Variants in MINDY3 observed in about 807,000 individuals in gnomAD.
MINDY3 encodes the protein ubiquitin carboxyl-terminal hydrolase MINDY-3.
MINDY3 carries 38 observed loss-of-function variants against 69.2 expected under a neutral mutation model. The ratio of observed to expected loss-of-function variants is 0.55; its 90% CI spans 0.42 to 0.72. The LOEUF is 0.72. MINDY3 is among the 30% of genes least tolerant of loss of function. The probability of loss-of-function intolerance (pLI) is 0.00; values close to 1 mark genes in which losing one functional copy is unlikely to be tolerated. For synonymous variants in MINDY3, 192 were observed against 180.1 expected (o/e 1.07, Z -0.53); for missense variants, 522 against 519.0 (o/e 1.01, Z -0.06).
chr10:15,841,484 C>A lies in MINDY3; in HGVS notation c.351G>T (p.Glu117Asp). 1 of 1,611,928 alleles carries A rather than the reference C, an allele frequency of 6.2e-7. No homozygotes were observed. The highest frequency in any genetic ancestry group is 1.1e-5 in the South Asian group (1 of 91,000). Residue 117 changes from glutamate (E) to aspartate (D), a missense_variant, in exon 4 of 15, where the codon GAG becomes GAT. Transcript: ENST00000277632. ...LVSWLRGKTT[E>D]ETASISGSPA... ...GACTCCCAGAAATACTAGCAGTTTC[C>A]TCAGTTGTCTTTCCTCTTAACCATG... is the stretch of plus-strand genomic sequence containing the variant.
chr10:15,816,348 T>C, intron 10 of MINDY3, among the ~76,000 whole-genome samples: 1 of 151,818 alleles, frequency 6.6e-6, no homozygotes, highest in East Asian at 1.9e-4. Context: ...ATTTCAATAT[T>C]GTAATCAGGT....
intron 14 of MINDY3, among the ~76,000 whole-genome samples, chr10:15,780,627 C>G (rs979788557): frequency 6.6e-6 from 1 of 152,166 alleles, no homozygotes; most frequent in African/African-American, 2.4e-5. Flanking sequence ...TTGTCTGTTT[C>G]CTTTCTAACA....
At chr10:15,816,662 G>T (rs1342122103) in intron 10 of MINDY3, among the ~76,000 whole-genome samples, 173 bp downstream of exon 10, 1 of 152,126 alleles carries the variant, frequency 6.6e-6, no homozygotes, top group African/African-American at 2.4e-5. Context: ...AAAGATTCCA[G>T]ATTTAGAGCA....
intron 2 of MINDY3, among the ~76,000 whole-genome samples, chr10:15,844,576 G>A (rs1335063715): frequency 6.6e-6 from 1 of 152,022 alleles, no homozygotes; most frequent in Non-Finnish European, 1.5e-5. Context: ...TTACATTATT[G>A]TGCATTAGGT....
chr10:15,780,994 A>G (rs908362096), intron 14 of MINDY3, among the ~76,000 whole-genome samples: 3 of 152,278 alleles, frequency 2.0e-5, no homozygotes, highest in African/African-American at 7.2e-5. Flanking sequence ...TATTTGACCT[A>G]TCTTGCAGGG....
In MINDY3 at chr10:15,792,694, T is replaced by C. The variant is rs529313568; in HGVS notation, c.956-3375A>G. ...ATGGCTGTCAACATATTTTAGCAAC[T>C]TAACAAAACAAACAGCTTCAGATTT... On this transcript the variant is annotated intron_variant, in intron 11 of 14. Transcript: ENST00000277632. Among the ~76,000 whole-genome samples the C allele has an allele frequency of 1.1e-3, 165 of 151,622 alleles. 1 individual carries two copies. The highest frequency in any genetic ancestry group is 3.8e-3 in the African/African-American group (156 of 41,004).
chr10:15,841,418 T>C lies in MINDY3; in HGVS notation c.409+8A>G, dbSNP rs559166566. 84 of 1,593,516 alleles carry C rather than the reference T, an allele frequency of 5.3e-5. No individual in the cohort carries two copies. In the South Asian group the frequency reaches 7.6e-4, roughly 14 times the overall value. On this transcript the variant is annotated splice_region_variant and intron_variant, in intron 4 of 14. Transcript: ENST00000277632. ...AAAAAAACTTCAGGAAATAAAAATA[T>C]ATCTTACAAGAATGTTCCACTTGGC... is the stretch of plus-strand genomic sequence containing the variant.
intron 10 of MINDY3, 23 bp from the exon 11 acceptor site, chr10:15,796,195 G>A: frequency 6.3e-7 from 1 of 1,585,460 alleles, no homozygotes; most frequent in Non-Finnish European, 8.7e-7. Flanking sequence ...GAAGCATGTT[G>A]TCAACCAGCT....
intron 1 of MINDY3, among the ~76,000 whole-genome samples, chr10:15,851,337 A>G (rs1238928753): frequency 3.9e-5 from 6 of 152,124 alleles, no homozygotes; most frequent in Non-Finnish European, 8.8e-5. Flanking sequence ...AGACATAGAC[A>G]GAGTCTAAGT....
In MINDY3 at chr10:15,802,163, G is replaced by A. The variant is rs1027000981; in HGVS notation, c.883-5991C>T. ...AGTTAAATTTTTGAGGGAGTCAAAAGTTGTATGTGGATTTTTGACTATGCA... is the reference window on the plus strand; with the variant it reads ...AGTTAAATTTTTGAGGGAGTCAAAAATTGTATGTGGATTTTTGACTATGCA... On this transcript the variant is annotated intron_variant, in intron 10 of 14. Coordinates refer to ENST00000277632, the MANE Select transcript of MINDY3 (RefSeq NM_024948.4). 1.2e-4 allele frequency among the ~76,000 whole-genome samples: 18 copies of A among 151,970 alleles called. 1 individual carries two copies. Among genetic ancestry groups the A allele is most frequent in the Non-Finnish European group, 5.9e-5 (4 of 67,996 alleles).
rs1835016347 is a variant in MINDY3, at chr10:15,860,403, G to A, written c.-104C>T. Reference sequence around the variant, plus strand: ...CAGCTGCGGGACGGCGGCGGCAAACGAATTGGAAGGTGAGGCAGGAAAGAA... The same window carrying A: ...CAGCTGCGGGACGGCGGCGGCAAACAAATTGGAAGGTGAGGCAGGAAAGAA... On this transcript the variant is annotated 5_prime_UTR_variant, in exon 1 of 15. Coordinates refer to ENST00000277632, the MANE Select transcript of MINDY3 (RefSeq NM_024948.4). 4.9e-6 allele frequency: 4 copies of A among 812,218 alleles called. No homozygotes were observed. Among genetic ancestry groups the A allele is most frequent in the East Asian group, 5.3e-5 (2 of 37,624 alleles). The allele number at this position is 812,218 out of a possible 1,614,324, so 50.3% of individuals were successfully genotyped here.
At chr10:15,829,533 A>T (rs187119968) in intron 8 of MINDY3, among the ~76,000 whole-genome samples, 181 of 152,326 alleles carry the variant, frequency 1.2e-3, no homozygotes, top group African/African-American at 4.2e-3. Context: ...GATTATAAAC[A>T]TAGGGTTGAG....
intron 10 of MINDY3, among the ~76,000 whole-genome samples, chr10:15,803,144 GT>G (rs1251248850): frequency 1.3e-5 from 2 of 152,048 alleles, no homozygotes; most frequent in African/African-American, 4.8e-5. Flanking sequence ...TTTATGTAAT[GT>G]TTAAATGTTC....
chr10:15,796,303 T>C, intron 10 of MINDY3, 131 bp from the exon 11 acceptor site: 1 of 698,562 alleles, frequency 1.4e-6, no homozygotes. Flanking sequence ...ATCATAGATG[T>C]GTAACGAGAT....
At chr10:15,858,776 T>C (rs535257550) in intron 1 of MINDY3, among the ~76,000 whole-genome samples, 1 of 152,222 alleles carries the variant, frequency 6.6e-6, no homozygotes, top group Non-Finnish European at 1.5e-5. Context: ...AAATGTTTAA[T>C]AAATGTTAAC....
chr10:15,800,735 T>C (rs565859444), intron 10 of MINDY3, among the ~76,000 whole-genome samples: 4 of 152,280 alleles, frequency 2.6e-5, no homozygotes, highest in Non-Finnish European at 2.9e-5. Flanking sequence ...TTGCTCACTA[T>C]GTCAAGATAA....
At chr10:15,823,831 A>T (rs1262271306) in intron 8 of MINDY3, among the ~76,000 whole-genome samples, 1 of 152,136 alleles carries the variant, frequency 6.6e-6, no homozygotes, top group Admixed American at 6.6e-5. Flanking sequence ...TCTGTTATCT[A>T]TCATTCCACT....
intron 8 of MINDY3, among the ~76,000 whole-genome samples, chr10:15,832,708 G>A (rs1006025601): frequency 4.6e-5 from 7 of 152,140 alleles, no homozygotes; most frequent in South Asian, 2.1e-4. Flanking sequence ...ACAGTAAAAC[G>A]GGTTGTACTG....
At chr10:15,812,772 A>G (rs1229326355) in intron 10 of MINDY3, among the ~76,000 whole-genome samples, 1 of 152,202 alleles carries the variant, frequency 6.6e-6, no homozygotes, top group East Asian at 1.9e-4. Flanking sequence ...AATTGCTTTA[A>G]TAACAAGCAG....
Sources: allele counts gnomAD v4.1 joint callset (sites outside exome capture counted in the v4.1 genomes callset), GRCh38; gene constraint gnomAD v4.1.1; transcripts MANE v1.5; gene names NCBI Gene and HGNC (gene_info 2026-07-23, HGNC 2026-07-21).